The following LIFR variants were observed in gnomAD, a reference collection of about 807,000 sequenced individuals.
LIFR encodes the protein LIF receptor subunit alpha, also known as leukemia inhibitory factor receptor.
LIFR carries 84 observed loss-of-function variants against 122.2 expected under a neutral mutation model. The observed-to-expected ratio is 0.69, with a 90% CI of 0.58 to 0.82. LIFR has a LOEUF of 0.82. Ranked by LOEUF, LIFR falls within the 40% of genes least tolerant of loss-of-function variation. The pLI is 0.00. For synonymous variants in LIFR, 422 were observed against 434.7 expected (o/e 0.97, Z 0.36); for missense variants, 1,294 against 1,311.6 (o/e 0.99, Z 0.21).
At chr5:38,488,043 TC>T (rs1226787432) in intron 16 of LIFR, among the ~76,000 whole-genome samples, 2 of 152,192 alleles carry the variant, frequency 1.3e-5, no homozygotes, top group African/African-American at 4.8e-5. Context: ...TGGGGGTGTT[TC>T]CCCTTCTTTA....
At chr5:38,552,187 T>C (rs557854294) in intron 1 of LIFR, among the ~76,000 whole-genome samples, 2 of 152,324 alleles carry the variant, frequency 1.3e-5, no homozygotes, top group South Asian at 4.1e-4. Flanking sequence ...AGTTATTAAT[T>C]GATTAAGATA....
chr5:38,515,984 T>C (rs942828274), intron 5 of LIFR, among the ~76,000 whole-genome samples: 1 of 152,246 alleles, frequency 6.6e-6, no homozygotes, highest in African/African-American at 2.4e-5. Context: ...ACAAGCAATT[T>C]TGTCTTAAAT....
chr5:38,506,045 CTTT>C lies in LIFR; in HGVS notation c.1148_1150del (p.Lys383del), dbSNP rs781044261. ...GCTTTCGTTTGTAGGTGCTTCAGCT[CTTT>C]TAAGTCTAACATATTTTCCTGAAAA... On this transcript the variant is annotated inframe_deletion, in exon 9 of 20. Coordinates refer to ENST00000453190, the MANE Select transcript of LIFR (RefSeq NM_001127671.2). The C allele has an allele frequency of 6.3e-7, 1 of 1,599,770 alleles. No homozygotes were observed. Among genetic ancestry groups the C allele is most frequent in the South Asian group, 1.1e-5 (1 of 88,772 alleles).
At chr5:38,482,518 A>C in intron 19 of LIFR, 71 bp downstream of exon 19, 1 of 860,306 alleles carries the variant, frequency 1.2e-6, no homozygotes, top group Non-Finnish European at 1.9e-6. Flanking sequence ...TTGCATGTTA[A>C]AAACTTTTCA....
intron 5 of LIFR, among the ~76,000 whole-genome samples, chr5:38,520,245 C>T (rs984664519): frequency 1.3e-5 from 2 of 151,950 alleles, no homozygotes; most frequent in African/African-American, 4.8e-5. Flanking sequence ...TTTTCATACA[C>T]CTGTTGTCCA....
At chr5:38,537,093 A>C (rs1747330040) in intron 1 of LIFR, among the ~76,000 whole-genome samples, 1 of 152,146 alleles carries the variant, frequency 6.6e-6, no homozygotes, top group African/African-American at 2.4e-5. Context: ...CTGTTAATTC[A>C]AGAGCCAGTC....
intron 9 of LIFR, 60 bp from the exon 10 acceptor site, chr5:38,504,181 A>T: frequency 4.4e-6 from 5 of 1,147,082 alleles, no homozygotes; most frequent in Non-Finnish European, 6.5e-6. Context: ...ATCTTCTAAT[A>T]TGACAAATGA....
chr5:38,489,138 A>G lies in LIFR; in HGVS notation c.2275T>C (p.Tyr759His). 6.2e-7 allele frequency: 1 copy of G among 1,613,052 alleles called. No individual in the cohort carries two copies. Residue 759 changes from tyrosine to histidine, a missense_variant, in exon 16 of 20, where the codon TAT becomes CAT. Physicochemically the swap from Tyr to His is moderately conservative, Grantham distance 83 (BLOSUM62 2). Coordinates refer to ENST00000453190, the MANE Select transcript of LIFR (RefSeq NM_001127671.2). The part of the protein sequence containing the change: ...VEELRGFLRG[Y>H]LFYFGKGERD... ...TCTCCTTTTCCAAAGTAAAACAAAT[A>G]TCCTCTTAAAAAGCCTCTAAGTTCT...
rs1337422816 is a variant in LIFR at position 38,484,862 on chromosome 5, C to A, written c.2504G>T (p.Gly835Val). The A allele has an allele frequency of 6.2e-7, 1 of 1,610,590 alleles. No individual in the cohort carries two copies. Among genetic ancestry groups the A allele is most frequent in the South Asian group, 1.1e-5 (1 of 90,940 alleles). The part of the protein sequence containing the change: ...MYVVTKENSV[G>V]LIIAILIPVA... ...TGGGATGAGAATGGCAATAATTAAT[C>A]CCACAGCTGAAACGAGAGTATTGCA... is the stretch of plus-strand genomic sequence containing the variant. Residue 835 changes from glycine to valine, a missense_variant, in exon 18 of 20, where the codon GGA (glycine) becomes GTA (valine). Transcript: ENST00000453190.
In LIFR at chr5:38,553,646, A is replaced by ATAT. The variant is rs1554027606; in HGVS notation, c.-20+2685_-20+2687dup. Among the ~76,000 whole-genome samples the ATAT allele has an allele frequency of 2.2e-3, 211 of 96,478 alleles. 8 individuals are homozygous for ATAT. The highest frequency in any genetic ancestry group is 0.015 in the Admixed American group (147 of 9,922). 63.3% of individuals were successfully genotyped at this position (96,478 alleles called of 152,430 possible). ...ACTATATATATATATATATATATAT[A>ATAT]TATATATATATATATATATATATAT... On this transcript the variant is annotated intron_variant, in intron 1 of 19. Transcript: ENST00000453190.
At chr5:38,530,143 C>T (rs1311152992) in intron 2 of LIFR, among the ~76,000 whole-genome samples, 1 of 152,064 alleles carries the variant, frequency 6.6e-6, no homozygotes. Flanking sequence ...AGGGGATGGG[C>T]CTGGGAGGGC....
At chr5:38,547,613 T>TA (rs34596970) in intron 1 of LIFR, among the ~76,000 whole-genome samples, 4 of 151,320 alleles carry the variant, frequency 2.6e-5, no homozygotes, top group South Asian at 2.1e-4. Flanking sequence ...TTGCCAACTT[T>TA]AAAAAAAAAG....
chr5:38,569,429 A>G (rs1749136465), intron 1 of LIFR, among the ~76,000 whole-genome samples: 1 of 152,168 alleles, frequency 6.6e-6, no homozygotes, highest in African/African-American at 2.4e-5. Flanking sequence ...GCAAGCGAGC[A>G]TTACCACCTG....
In LIFR at chr5:38,479,787, A is replaced by G; in HGVS notation, c.*1808T>C. Reference sequence around the variant, plus strand: ...AGCCAAAGAGGATACAAAGGAAGACAAGAGAACACTCTTTAGGGATGGCTC... The same window carrying G: ...AGCCAAAGAGGATACAAAGGAAGACGAGAGAACACTCTTTAGGGATGGCTC... On this transcript the variant is annotated 3_prime_UTR_variant, in exon 20 of 20. Coordinates refer to ENST00000453190, the MANE Select transcript of LIFR (RefSeq NM_001127671.2). 8.7e-6 allele frequency: 2 copies of G among 231,076 alleles called. No individual in the cohort carries two copies. Among genetic ancestry groups the G allele is most frequent in the Non-Finnish European group, 1.7e-5 (2 of 116,714 alleles). 14.3% of individuals were successfully genotyped at this position (231,076 alleles called of 1,614,324 possible).
At chr5:38,603,033 A>G (rs1404012742) in intron 2 of LIFR, among the ~76,000 whole-genome samples, 1 of 152,176 alleles carries the variant, frequency 6.6e-6, no homozygotes, top group African/African-American at 2.4e-5. Flanking sequence ...TCCCAAGGGT[A>G]AGGCAGGCAC....
intron 10 of LIFR, among the ~76,000 whole-genome samples, chr5:38,503,757 T>A (rs554796744): frequency 3.4e-5 from 5 of 149,054 alleles, no homozygotes; most frequent in Non-Finnish European, 6.0e-5. Context: ...CCAGGTACTA[T>A]AGTGCATCTG....
chr5:38,494,445 CCAAGGGG>C (rs36222538), intron 13 of LIFR, among the ~76,000 whole-genome samples: 50,908 of 150,726 alleles, frequency 0.34, 8,923 homozygotes, highest in East Asian at 0.67. Flanking sequence ...CTAGGAGACA[CCAAGGGG>C]CAAGGGGCAA....
rs1393635624 is a variant in LIFR at position 38,476,174 on chromosome 5, T to C, written c.*5421A>G. The C allele has an allele frequency of 4.9e-6, 1 of 205,438 alleles. No homozygotes were observed. The highest frequency in any genetic ancestry group is 7.4e-5 in the East Asian group (1 of 13,432). The allele number at this position is 205,438 out of a possible 1,614,324, so 12.7% of individuals were successfully genotyped here. On this transcript the variant is annotated 3_prime_UTR_variant, in exon 20 of 20. Coordinates refer to ENST00000453190, the MANE Select transcript of LIFR (RefSeq NM_001127671.2). ...TGGGGAAAAGCATTTGGAATCAAAC[T>C]GGGAGAAGAATGTTTTACAAAAATT...
In LIFR at chr5:38,476,119, A is replaced by G. The variant is rs1342395336; in HGVS notation, c.*5476T>C. The stretch of plus-strand genomic sequence containing the variant: ...TTGGAAGGAAAAATTAAATACAAGG[A>G]AACACTAGCTTATGATATATTAGAC... On this transcript the variant is annotated 3_prime_UTR_variant, in exon 20 of 20. Coordinates refer to ENST00000453190, the MANE Select transcript of LIFR (RefSeq NM_001127671.2). 1 of 200,512 alleles carries G rather than the reference A, an allele frequency of 5.0e-6. No homozygotes were observed. The highest frequency in any genetic ancestry group is 1.0e-5 in the Non-Finnish European group (1 of 97,238). 12.4% of individuals were successfully genotyped at this position (200,512 alleles called of 1,614,324 possible). A position where few individuals can be genotyped will look rare whatever the true frequency, so the allele number is the denominator to read the frequency against.
Sources: allele counts gnomAD v4.1 joint callset (sites outside exome capture counted in the v4.1 genomes callset), GRCh38; gene constraint gnomAD v4.1.1; transcripts MANE v1.5; gene names NCBI Gene and HGNC (gene_info 2026-07-23, HGNC 2026-07-21).